The following UBE2L3 variants were observed in gnomAD, a reference collection of about 807,000 sequenced individuals.
UBE2L3 encodes ubiquitin-conjugating enzyme E2 L3.
UBE2L3 carries 1 observed loss-of-function variant against 17.8 expected under a neutral mutation model. The observed-to-expected ratio is 0.06, with a 90% CI of 0.02 to 0.27. UBE2L3 has a LOEUF of 0.27. UBE2L3 is among the 10% of genes least tolerant of loss of function. UBE2L3 has a pLI of 1.00. For missense variants in UBE2L3, 40 were observed against 192.6 expected, an observed-to-expected ratio of 0.21 and a Z score of 4.69; for synonymous variants, 44 against 68.5, an observed-to-expected ratio of 0.64 and a Z score of 1.76.
chr22:21,617,615 C>G (rs1206734029), intron 3 of UBE2L3, among the ~76,000 whole-genome samples: 3 of 152,052 alleles, frequency 2.0e-5, no homozygotes, highest in Non-Finnish European at 4.4e-5. Flanking sequence ...AAAAGTACTT[C>G]TGAGGAGCAT....
intron 1 of UBE2L3, among the ~76,000 whole-genome samples, chr22:21,585,981 G>A (rs562594159): frequency 6.6e-6 from 1 of 152,160 alleles, no homozygotes; most frequent in African/African-American, 2.4e-5. Context: ...TGTTGACCAG[G>A]CTGGAGTGTA....
chr22:21,559,396 T>C (rs1388618356), intron 1 of UBE2L3, among the ~76,000 whole-genome samples: 2 of 150,632 alleles, frequency 1.3e-5, no homozygotes, highest in Non-Finnish European at 2.9e-5. Flanking sequence ...ATGAAAGTGA[T>C]GGATTACATG....
chr22:21,589,834 C>A (rs1412787313), intron 1 of UBE2L3, among the ~76,000 whole-genome samples: 1 of 152,126 alleles, frequency 6.6e-6, no homozygotes. Context: ...CTTAACTTGA[C>A]GGCAAGGTAA....
At position 21,622,733 on chromosome 22, in the gene UBE2L3, G is replaced by C. The variant is rs1930104150; in HGVS notation, c.*1064G>C. On this transcript the variant is annotated 3_prime_UTR_variant, in exon 4 of 4. Coordinates refer to ENST00000342192, the MANE Select transcript of UBE2L3 (RefSeq NM_003347.4). ...TCGGCTATTTAAAGCACCAGTCTGG[G>C]GTCGCCTGGGCCCCTGCTGACCCCC... The C allele has an allele frequency of 6.5e-6, 1 of 152,754 alleles. No homozygotes were observed. Among genetic ancestry groups the C allele is most frequent in the African/African-American group, 2.4e-5 (1 of 41,398 alleles). 9.5% of individuals were successfully genotyped at this position (152,754 alleles called of 1,614,324 possible).
At chr22:21,586,368 C>T (rs369574407) in intron 1 of UBE2L3, among the ~76,000 whole-genome samples, 128 of 152,126 alleles carry the variant, frequency 8.4e-4, no homozygotes, top group African/African-American at 3.0e-3. Context: ...CAGGTTCAAG[C>T]GATTCTCCTG....
intron 3 of UBE2L3, among the ~76,000 whole-genome samples, chr22:21,617,189 T>C (rs1929825125): frequency 6.7e-6 from 1 of 150,362 alleles, no homozygotes; most frequent in African/African-American, 2.5e-5. Flanking sequence ...GAAGGAAATA[T>C]TATAGGCTTT....
chr22:21,597,158 T>C (rs1231823808), intron 2 of UBE2L3, among the ~76,000 whole-genome samples: 1 of 151,892 alleles, frequency 6.6e-6, no homozygotes, highest in Admixed American at 6.6e-5. Flanking sequence ...TTTGTATTTT[T>C]TGGTAGAGAC....
intron 1 of UBE2L3, among the ~76,000 whole-genome samples, chr22:21,572,781 T>C (rs1291977914): frequency 6.6e-6 from 1 of 152,138 alleles, no homozygotes; most frequent in African/African-American, 2.4e-5. Context: ...ATCTGAGTCT[T>C]AGCTCCTCCT....
intron 1 of UBE2L3, among the ~76,000 whole-genome samples, chr22:21,561,735 G>C (rs1486392149): frequency 1.3e-5 from 2 of 152,264 alleles, no homozygotes; most frequent in Non-Finnish European, 2.9e-5. Flanking sequence ...ACAGTGGGGG[G>C]TGTGATGTGG....
chr22:21,597,544 G>C (rs1022555248), intron 2 of UBE2L3, among the ~76,000 whole-genome samples: 1 of 151,250 alleles, frequency 6.6e-6, no homozygotes, highest in African/African-American at 2.4e-5. Flanking sequence ...TGGTCCTCCT[G>C]GCTTAGCCTC....
chr22:21,605,864 T>C (rs1835287264), intron 2 of UBE2L3, among the ~76,000 whole-genome samples: 1 of 152,058 alleles, frequency 6.6e-6, no homozygotes, highest in Non-Finnish European at 1.5e-5. Flanking sequence ...AGTGTAGAGG[T>C]GTGATCATGG....
chr22:21,557,660 A>C (rs371434422), intron 1 of UBE2L3, among the ~76,000 whole-genome samples: 9 of 152,304 alleles, frequency 5.9e-5, no homozygotes, highest in South Asian at 2.1e-4. Context: ...GTAGCTGGGA[A>C]TACAGGTGCC....
At chr22:21,555,290 C>T (rs1250225621) in intron 1 of UBE2L3, 1 of 151,988 alleles carries the variant, frequency 6.6e-6, no homozygotes, top group Non-Finnish European at 1.5e-5. Context: ...AGGAAACCAC[C>T]AGCTTGTCTA....
chr22:21,560,511 C>T (rs1223969879), intron 1 of UBE2L3, among the ~76,000 whole-genome samples: 3 of 141,126 alleles, frequency 2.1e-5, no homozygotes, highest in East Asian at 2.1e-4. Context: ...AGTGCAGTGG[C>T]GCAATCTTGG....
chr22:21,581,158 A>T (rs141609598), intron 1 of UBE2L3, among the ~76,000 whole-genome samples: 1 of 151,072 alleles, frequency 6.6e-6, no homozygotes, highest in Non-Finnish European at 1.5e-5. Flanking sequence ...AGGTTCAAAC[A>T]ATTCTCCCAC....
chr22:21,581,379 G>A (rs894443220), intron 1 of UBE2L3, among the ~76,000 whole-genome samples: 2 of 152,058 alleles, frequency 1.3e-5, no homozygotes, highest in South Asian at 2.1e-4. Flanking sequence ...TTGTAGAGAT[G>A]GGATCTTGCT....
intron 2 of UBE2L3, among the ~76,000 whole-genome samples, chr22:21,599,165 C>T (rs1354584362): frequency 6.6e-6 from 1 of 152,144 alleles, no homozygotes. Context: ...AAAATCCACG[C>T]CCTCCGGATG....
intron 1 of UBE2L3, among the ~76,000 whole-genome samples, chr22:21,586,108 T>A (rs140850617): frequency 0.012 from 1,781 of 152,114 alleles, 41 homozygotes; most frequent in African/African-American, 0.04. Flanking sequence ...GCTAATTTTT[T>A]AATTTTTTTA....
intron 1 of UBE2L3, among the ~76,000 whole-genome samples, chr22:21,584,950 C>A (rs139938687): frequency 6.6e-6 from 1 of 152,130 alleles, no homozygotes; most frequent in Non-Finnish European, 1.5e-5. Flanking sequence ...AGCGAGACTC[C>A]GTCTCAAAAC....
Sources: allele counts gnomAD v4.1 joint callset (sites outside exome capture counted in the v4.1 genomes callset), GRCh38; gene constraint gnomAD v4.1.1; transcripts MANE v1.5; gene names NCBI Gene and HGNC (gene_info 2026-07-23, HGNC 2026-07-21).